The following DPRX variants were observed in gnomAD, a reference collection of about 807,000 sequenced individuals.
The protein encoded by DPRX is divergent paired-related homeobox.
Under a neutral mutation model 8.4 loss-of-function variants are expected in DPRX, and 11 were observed. The observed-to-expected ratio is 1.31, with a 90% CI of 0.82 to 2.17. The LOEUF (loss-of-function observed/expected upper bound fraction) is 2.17, where lower values mean the gene tolerates loss of function less well. DPRX is among the 30% of genes most tolerant of loss of function. DPRX has a pLI of 0.00. For missense variants in DPRX, 211 were observed against 236.7 expected, an observed-to-expected ratio of 0.89 and a Z score of 0.71; for synonymous variants, 72 against 87.0, an observed-to-expected ratio of 0.83 and a Z score of 0.96.
At chr19:53,632,696 G>A (rs1244386270) in intron 1 of DPRX, among the ~76,000 whole-genome samples, 1 of 151,676 alleles carries the variant, frequency 6.6e-6, no homozygotes, top group African/African-American at 2.4e-5. Flanking sequence ...GGCTGGCCTC[G>A]GCCTCCCAAA....
the DPRX span, among the ~76,000 whole-genome samples, chr19:53,619,084 A>G: frequency 6.6e-6 from 1 of 152,050 alleles, no homozygotes; most frequent in Non-Finnish European, 1.5e-5. Flanking sequence ...CTCTGCCTCC[A>G]TTCTGTTGAT....
At chr19:53,603,567 G>A in the DPRX span, 4 of 367,354 alleles carry the variant, frequency 1.1e-5, no homozygotes, top group Admixed American at 3.2e-5. Context: ...GAGAGAGTAG[G>A]GCAAGATTAA....
At chr19:53,605,592 G>GT in the DPRX span, among the ~76,000 whole-genome samples, 5 of 152,096 alleles carry the variant, frequency 3.3e-5, no homozygotes, top group East Asian at 5.8e-4. Context: ...GCCTCCCAAA[G>GT]TACGGGGGTT....
the DPRX span, chr19:53,616,708 C>T: frequency 1.6e-5 from 17 of 1,037,610 alleles, no homozygotes; most frequent in Admixed American, 8.1e-5. Context: ...GAGCCAAGAT[C>T]GCACCATTGC....
chr19:53,612,536 G>A, the DPRX span, among the ~76,000 whole-genome samples: 326 of 151,954 alleles, frequency 2.1e-3, 2 homozygotes, highest in African/African-American at 7.4e-3. Context: ...GTGAAACCTC[G>A]TCTCTATGAA....
At chr19:53,634,363 G>A (rs916841499) in intron 1 of DPRX, among the ~76,000 whole-genome samples, 168 bp from the exon 2 acceptor site, 20 of 152,146 alleles carry the variant, frequency 1.3e-4, no homozygotes, top group African/African-American at 4.3e-4. Context: ...CTCAGGAGGT[G>A]GAGGTTGCAG....
the DPRX span, among the ~76,000 whole-genome samples, chr19:53,614,966 T>C: frequency 2.6e-5 from 4 of 151,988 alleles, no homozygotes; most frequent in Non-Finnish European, 5.9e-5. Context: ...TATTTTTTTT[T>C]TCAGTTAAAT....
the DPRX span, among the ~76,000 whole-genome samples, chr19:53,609,743 G>A: frequency 1.7e-5 from 2 of 118,968 alleles, no homozygotes; most frequent in Non-Finnish European, 3.5e-5. Flanking sequence ...CCAGCACTTT[G>A]GGAGGCCAAG....
At chr19:53,626,884 TAG>T in the DPRX span, among the ~76,000 whole-genome samples, 1 of 151,944 alleles carries the variant, frequency 6.6e-6, no homozygotes, top group Non-Finnish European at 1.5e-5. Flanking sequence ...GTATTTCTAG[TAG>T]AGTCAGGGTT....
chr19:53,633,967 A>G (rs1444350669), intron 1 of DPRX, among the ~76,000 whole-genome samples: 1 of 152,160 alleles, frequency 6.6e-6, no homozygotes, highest in Non-Finnish European at 1.5e-5. Flanking sequence ...GAAAAAAAGG[A>G]TGGAGGAACC....
the DPRX span, among the ~76,000 whole-genome samples, chr19:53,619,259 G>A: frequency 2.6e-4 from 39 of 151,984 alleles, no homozygotes; most frequent in Non-Finnish European, 4.7e-4. Context: ...GACATGTTGA[G>A]GCCAGGCGTG....
the DPRX span, chr19:53,601,221 C>T: frequency 2.2e-6 from 1 of 455,936 alleles, no homozygotes; most frequent in Non-Finnish European, 4.4e-6. Flanking sequence ...GAGTGTTGGG[C>T]TCAGACACCC....
At chr19:53,608,696 T>A in the DPRX span, among the ~76,000 whole-genome samples, 4 of 152,090 alleles carry the variant, frequency 2.6e-5, no homozygotes, top group African/African-American at 9.7e-5. Context: ...CTCACGCCTG[T>A]AATCCCAGCA....
the DPRX span, among the ~76,000 whole-genome samples, chr19:53,618,680 G>A: frequency 1.0e-5 from 1 of 98,886 alleles, no homozygotes; most frequent in Non-Finnish European, 1.8e-5. Context: ...TATTCATATT[G>A]TCTCCAGATT....
exon 2 of DPRX, chr19:53,634,642 A>G: frequency 1.2e-6 from 2 of 1,614,062 alleles, no homozygotes; most frequent in Non-Finnish European, 1.7e-6. Context: ...AGCCTTCAGA[A>G]AGAAATGGCC....
At chr19:53,627,075 A>C (rs1034302029), upstream of DPRX, among the ~76,000 whole-genome samples, 2 of 152,084 alleles carry the variant, frequency 1.3e-5, no homozygotes, top group African/African-American at 4.8e-5. Flanking sequence ...CAACAGAGCC[A>C]GCGGTTTCCA....
At chr19:53,630,511 C>A (rs1045261775), upstream of DPRX, among the ~76,000 whole-genome samples, 5 of 152,100 alleles carry the variant, frequency 3.3e-5, no homozygotes, top group African/African-American at 1.2e-4. Flanking sequence ...ATGATTTTGC[C>A]ACTGCACTCC....
At chr19:53,617,091 T>C in the DPRX span, 4 of 1,284,808 alleles carry the variant, frequency 3.1e-6, no homozygotes, top group Non-Finnish European at 3.4e-6. Context: ...CTGTTTACAA[T>C]GGGAGGTTTA....
Position 53,634,686 on chromosome 19 carries a change from G to A in DPRX, c.183+1G>A, listed in dbSNP as rs1244559525. The A allele has an allele frequency of 1.2e-6, 2 of 1,608,262 alleles. No homozygotes were observed. Among genetic ancestry groups the A allele is most frequent in the Middle Eastern group, 1.7e-4 (1 of 6,028 alleles). ...AGACATACACCCAACAGTACTGCAGGTTGGAAAATGATCCCTCTTCTCACT... is the reference window on the plus strand; with the variant it reads ...AGACATACACCCAACAGTACTGCAGATTGGAAAATGATCCCTCTTCTCACT... On this transcript the variant is annotated splice_donor_variant, in intron 2 of 2. Transcript: ENST00000376650. LOFTEE classifies it high-confidence loss of function.
Sources: allele counts gnomAD v4.1 joint callset (sites outside exome capture counted in the v4.1 genomes callset), GRCh38; gene constraint gnomAD v4.1.1; transcripts MANE v1.5; gene names NCBI Gene and HGNC (gene_info 2026-07-23, HGNC 2026-07-21).